HEMK2: variants seen among roughly 807,000 people sequenced by gnomAD.
HEMK2 encodes methyltransferase HEMK2.
chr21:28,672,381 G>A, the HEMK2 span, among the ~76,000 whole-genome samples: 1 of 152,054 alleles, frequency 6.6e-6, no homozygotes, highest in South Asian at 2.1e-4. Context: ...TATTTTCCAA[G>A]GAGAGGACTG....
the HEMK2 span, among the ~76,000 whole-genome samples, chr21:28,715,257 C>T: frequency 2.0e-5 from 3 of 152,150 alleles, no homozygotes; most frequent in African/African-American, 4.8e-5. Context: ...TTCCCACCAG[C>T]AGTGTGTAAG....
At chr21:28,712,058 C>T in the HEMK2 span, among the ~76,000 whole-genome samples, 2 of 152,190 alleles carry the variant, frequency 1.3e-5, no homozygotes, top group African/African-American at 2.4e-5. Context: ...TACATTTCAA[C>T]ACAGGAATAT....
chr21:28,878,604 G>A, the HEMK2 span, among the ~76,000 whole-genome samples: 1 of 151,374 alleles, frequency 6.6e-6, no homozygotes, highest in Non-Finnish European at 1.5e-5. Context: ...ATAATAAGTG[G>A]ATAAAAAATG....
chr21:28,707,168 A>C, the HEMK2 span, among the ~76,000 whole-genome samples: 1 of 152,328 alleles, frequency 6.6e-6, no homozygotes, highest in South Asian at 2.1e-4. Flanking sequence ...ACGACAATAA[A>C]CACATTAAAG....
At chr21:28,798,818 T>C in the HEMK2 span, among the ~76,000 whole-genome samples, 2 of 152,224 alleles carry the variant, frequency 1.3e-5, no homozygotes, top group African/African-American at 4.8e-5. Context: ...CAAATCTCCA[T>C]GCATTGCTCA....
chr21:28,775,166 G>T, the HEMK2 span, among the ~76,000 whole-genome samples: 5 of 152,158 alleles, frequency 3.3e-5, no homozygotes, highest in African/African-American at 1.2e-4. Context: ...TTGGAGGTTA[G>T]GAAAATCAAA....
At chr21:28,784,155 G>A in the HEMK2 span, among the ~76,000 whole-genome samples, 1 of 152,258 alleles carries the variant, frequency 6.6e-6, no homozygotes, top group Non-Finnish European at 1.5e-5. Flanking sequence ...ACACAGCGCG[G>A]GACTGGCAGG....
chr21:28,577,238 A>G, the HEMK2 span: 1 of 152,190 alleles, frequency 6.6e-6, no homozygotes, highest in Non-Finnish European at 1.5e-5. Flanking sequence ...TTAAAATCCA[A>G]GGCCAGGATC....
chr21:28,714,212 C>A, the HEMK2 span, among the ~76,000 whole-genome samples: 12 of 152,148 alleles, frequency 7.9e-5, no homozygotes, highest in African/African-American at 2.9e-4. Context: ...TACCCAAATT[C>A]TAATGTATTG....
chr21:28,648,346 T>C, the HEMK2 span, among the ~76,000 whole-genome samples: 1 of 152,162 alleles, frequency 6.6e-6, no homozygotes, highest in African/African-American at 2.4e-5. Context: ...GTAGGTTATG[T>C]ATGGGGTGTT....
At chr21:28,829,952 C>T in the HEMK2 span, among the ~76,000 whole-genome samples, 2 of 152,232 alleles carry the variant, frequency 1.3e-5, no homozygotes, top group East Asian at 1.9e-4. Flanking sequence ...ACTCCCAATA[C>T]GGAATCCTAA....
the HEMK2 span, among the ~76,000 whole-genome samples, chr21:28,749,831 G>A: frequency 1.3e-5 from 2 of 152,328 alleles, no homozygotes; most frequent in Non-Finnish European, 2.9e-5. Flanking sequence ...TATCTCTTAC[G>A]AGAACATCAG....
the HEMK2 span, among the ~76,000 whole-genome samples, chr21:28,799,645 A>G: frequency 6.6e-6 from 1 of 152,132 alleles, no homozygotes; most frequent in African/African-American, 2.4e-5. Flanking sequence ...CCTCCTATAA[A>G]ATCACAATTC....
the HEMK2 span, among the ~76,000 whole-genome samples, chr21:28,684,076 T>C: frequency 2.0e-4 from 31 of 152,354 alleles, no homozygotes; most frequent in Middle Eastern, 3.4e-3. Flanking sequence ...GCTATGCTTA[T>C]ATGTTGTTTT....
chr21:28,713,624 G>T, the HEMK2 span, among the ~76,000 whole-genome samples: 81,520 of 151,932 alleles, frequency 0.54, 23,881 homozygotes, highest in East Asian at 0.84. Flanking sequence ...TAGCCTAGTA[G>T]CACTTTCTCA....
the HEMK2 span, among the ~76,000 whole-genome samples, chr21:28,824,683 G>A: frequency 0.059 from 8,911 of 152,218 alleles, 353 homozygotes; most frequent in Middle Eastern, 0.092. Flanking sequence ...TCTTTGAACA[G>A]TCCTAGTTGA....
At chr21:28,631,531 G>A in the HEMK2 span, among the ~76,000 whole-genome samples, 2 of 151,904 alleles carry the variant, frequency 1.3e-5, no homozygotes, top group Admixed American at 6.6e-5. Flanking sequence ...ATTATAACTA[G>A]CATACAATTT....
chr21:28,876,625 T>C, the HEMK2 span: 1 of 543,530 alleles, frequency 1.8e-6, no homozygotes. Context: ...ATCAAATAAA[T>C]GTCTACTAAA....
At chr21:28,630,737 C>G in the HEMK2 span, among the ~76,000 whole-genome samples, 1 of 130,332 alleles carries the variant, frequency 7.7e-6, no homozygotes, top group Non-Finnish European at 1.5e-5. Context: ...AATGAGAACA[C>G]ATGGACACAG....
Sources: allele counts gnomAD v4.1 joint callset (sites outside exome capture counted in the v4.1 genomes callset), GRCh38; gene constraint gnomAD v4.1.1; transcripts MANE v1.5; gene names NCBI Gene and HGNC (gene_info 2026-07-23, HGNC 2026-07-21).